Variants in OXR1 observed in about 807,000 individuals in gnomAD.
OXR1 encodes the protein oxidation resistance 1, also known as oxidation resistance protein 1.
A neutral mutation model predicts 104.6 loss-of-function variants in OXR1; 41 were observed. The ratio of observed to expected loss-of-function variants is 0.39; its 90% CI spans 0.31 to 0.51. The LOEUF (loss-of-function observed/expected upper bound fraction) is 0.51, where lower values mean the gene tolerates loss of function less well. OXR1 is among the 20% of genes least tolerant of loss of function. The pLI, the probability that OXR1 is intolerant of heterozygous loss-of-function variation, is 0.77. For synonymous variants in OXR1, 348 were observed against 348.4 expected, an observed-to-expected ratio of 1.00 and a Z score of 0.01; for missense variants, 955 against 1,031.9, an observed-to-expected ratio of 0.93 and a Z score of 1.02.
chr8:106,457,105 G>A (rs1285475962), intron 2 of OXR1, among the ~76,000 whole-genome samples: 1 of 152,128 alleles, frequency 6.6e-6, no homozygotes, highest in East Asian at 1.9e-4. Context: ...CCTCCAATGT[G>A]CCAGTCAGTG....
intron 3 of OXR1, among the ~76,000 whole-genome samples, chr8:106,531,039 C>A (rs1363801947): frequency 6.6e-5 from 10 of 152,036 alleles, no homozygotes; most frequent in Admixed American, 6.6e-5. Context: ...GAAATTCCTC[C>A]AAAATATTAC....
At chr8:106,397,403 A>G (rs1210367601) in intron 2 of OXR1, among the ~76,000 whole-genome samples, 1 of 152,056 alleles carries the variant, frequency 6.6e-6, no homozygotes, top group East Asian at 1.9e-4. Flanking sequence ...TTTACTGAAT[A>G]AACTTTTCTA....
intron 3 of OXR1, among the ~76,000 whole-genome samples, chr8:106,524,076 T>C (rs1813468120): frequency 3.3e-5 from 5 of 152,156 alleles, no homozygotes; most frequent in Admixed American, 3.3e-4. Flanking sequence ...ATCCCTGGCC[T>C]GGAGTGGAAT....
At chr8:106,639,308 T>C (rs548309107) in intron 3 of OXR1, among the ~76,000 whole-genome samples, 2 of 152,308 alleles carry the variant, frequency 1.3e-5, no homozygotes, top group East Asian at 3.9e-4. Context: ...CTACTGCAGG[T>C]GCTTCCATAA....
Position 106,706,509 on chromosome 8 carries a change from A to G in OXR1, c.988A>G (p.Thr330Ala). The change falls in exon 9 of 17, where the codon ACT becomes GCT. Residue 330 changes from threonine (T) to alanine (A), a missense_variant. Thr to Ala is a moderately conservative substitution (Grantham distance 58). Coordinates refer to ENST00000517566, the MANE Select transcript of OXR1 (RefSeq NM_001198533.2). Reference sequence around the variant, plus strand: ...TAGTGCCAGCACTGCTCCTAGGAGCACTGAGGAGTCTCTTTCTGAAGATGT... The same window carrying G: ...TAGTGCCAGCACTGCTCCTAGGAGCGCTGAGGAGTCTCTTTCTGAAGATGT... ...NDSASTAPRSTEESLSEDVFT... is the reference protein window; with the variant it reads ...NDSASTAPRSAEESLSEDVFT... The G allele has an allele frequency of 6.2e-7, 1 of 1,606,378 alleles. No individual in the cohort carries two copies. The highest frequency in any genetic ancestry group is 1.1e-5 in the South Asian group (1 of 89,324).
At chr8:106,372,975 C>A (rs1202525676) in intron 2 of OXR1, among the ~76,000 whole-genome samples, 1 of 152,108 alleles carries the variant, frequency 6.6e-6, no homozygotes, top group Non-Finnish European at 1.5e-5. Context: ...TAGATTCAAC[C>A]AACCTCAGAT....
intron 2 of OXR1, among the ~76,000 whole-genome samples, chr8:106,440,834 G>T (rs1489577586): frequency 6.6e-6 from 1 of 152,076 alleles, no homozygotes; most frequent in South Asian, 2.1e-4. Context: ...AGTATAGCAT[G>T]TTAACCTAGA....
chr8:106,580,812 C>G (rs1463291317), intron 3 of OXR1, among the ~76,000 whole-genome samples: 1 of 152,006 alleles, frequency 6.6e-6, no homozygotes, highest in African/African-American at 2.4e-5. Context: ...AAATATGTGA[C>G]TTAAGCTAAT....
chr8:106,426,076 G>A (rs11781206), intron 2 of OXR1, among the ~76,000 whole-genome samples: 13,418 of 152,058 alleles, frequency 0.088, 633 homozygotes, highest in Non-Finnish European at 0.1. Context: ...TACAGTGGAG[G>A]GGCTGTGGGA....
At chr8:106,700,865 A>G (rs997463576) in intron 7 of OXR1, among the ~76,000 whole-genome samples, 2 of 152,124 alleles carry the variant, frequency 1.3e-5, no homozygotes, top group East Asian at 1.9e-4. Context: ...GAGAATTTAG[A>G]GCTTGATTTT....
chr8:106,656,821 T>TAAAA (rs79415263), intron 3 of OXR1, among the ~76,000 whole-genome samples: 1 of 118,816 alleles, frequency 8.4e-6, no homozygotes. Context: ...GTCAACCAGT[T>TAAAA]AAAAAAAAAA....
At chr8:106,458,647 A>G (rs1820739554) in intron 2 of OXR1, among the ~76,000 whole-genome samples, 1 of 151,480 alleles carries the variant, frequency 6.6e-6, no homozygotes, top group Admixed American at 6.6e-5. Flanking sequence ...GAGGCATGAG[A>G]CTCTAACCTA....
chr8:106,465,609 T>TA (rs1821131506), intron 2 of OXR1, among the ~76,000 whole-genome samples: 1 of 151,936 alleles, frequency 6.6e-6, no homozygotes, highest in Admixed American at 6.6e-5. Flanking sequence ...AAATTATTGA[T>TA]AAATTTTGAA....
chr8:106,424,475 G>GT (rs1819029997), intron 2 of OXR1, among the ~76,000 whole-genome samples: 1 of 152,010 alleles, frequency 6.6e-6, no homozygotes, highest in East Asian at 1.9e-4. Context: ...TGGCTGCCTA[G>GT]TAAGTGGGAG....
intron 2 of OXR1, among the ~76,000 whole-genome samples, chr8:106,386,389 G>A (rs1194462134): frequency 1.3e-5 from 2 of 152,164 alleles, no homozygotes; most frequent in Non-Finnish European, 2.9e-5. Context: ...TCATGCATTT[G>A]CTTAAGCAAG....
rs550832524 is a variant in OXR1 at position 106,589,531 on chromosome 8, A to G, written c.220+70392A>G. ...CAAATGCTAGAGTGACTCATTTACC[A>G]ACAGTAAACCCTAGGATAGATCCAA... On this transcript the variant is annotated intron_variant, in intron 3 of 16. Transcript: ENST00000517566. Among the ~76,000 whole-genome samples, 81 of 152,212 alleles carry G rather than the reference A, an allele frequency of 5.3e-4. 1 individual carries two copies. The Middle Eastern group carries it at 0.02, about 38-fold the overall frequency.
chr8:106,342,614 A>G (rs1485258334), intron 1 of OXR1, among the ~76,000 whole-genome samples: 3 of 151,500 alleles, frequency 2.0e-5, no homozygotes, highest in Non-Finnish European at 4.4e-5. Context: ...TCTTTCCCAT[A>G]CCCTGTATTT....
chr8:106,617,479 T>C (rs1012016086), intron 3 of OXR1, among the ~76,000 whole-genome samples: 6 of 152,154 alleles, frequency 3.9e-5, no homozygotes, highest in African/African-American at 1.2e-4. Context: ...TTATTACTAC[T>C]TTTATCCATT....
chr8:106,452,030 G>C (rs1820339750), intron 2 of OXR1, among the ~76,000 whole-genome samples: 1 of 152,096 alleles, frequency 6.6e-6, no homozygotes, highest in South Asian at 2.1e-4. Flanking sequence ...CTCAGTTTGG[G>C]GTCCCAGAGG....
Sources: gnomAD v4.1 joint callset for allele counts (sites outside exome capture counted in the v4.1 genomes callset) on GRCh38, gnomAD v4.1.1 for gene constraint, MANE v1.5 for transcripts, NCBI Gene and HGNC (gene_info 2026-07-23, HGNC 2026-07-21) for gene names.